NFRKB: variants seen among roughly 807,000 people sequenced by gnomAD.
The protein encoded by NFRKB is nuclear factor related to kappa-B-binding protein.
In NFRKB, 62 loss-of-function variants were observed where a neutral mutation model predicts 135.7. The ratio of observed to expected loss-of-function variants is 0.46; its 90% CI spans 0.37 to 0.56. The LOEUF is 0.56. Among genes scored for constraint, NFRKB ranks in the 20% least tolerant of loss-of-function variants. The pLI is 0.00. For missense variants in NFRKB, 1,545 were observed against 1,662.0 expected (o/e 0.93, Z 1.22); for synonymous variants, 678 against 635.6 (o/e 1.07, Z -1.00).
chr11:129,873,863 G>C lies in NFRKB; in HGVS notation c.2432C>G (p.Pro811Arg), dbSNP rs1464770582. The C allele has an allele frequency of 6.2e-7, 1 of 1,614,040 alleles. No individual in the cohort carries two copies. The highest frequency in any genetic ancestry group is 8.5e-7 in the Non-Finnish European group (1 of 1,180,048). ...CTGCTGGGGAACAGCAGGAAGGCTA[G>C]GCTGGGCCACCACTCGCACCTGAGA... ...GLSQVRVVAQPSLPAVPQQSG... is the reference protein window; with the variant it reads ...GLSQVRVVAQRSLPAVPQQSG... Residue 811 changes from proline to arginine, a missense_variant, in exon 22 of 27, where the codon CCT becomes CGT. By Grantham distance (103) the Pro-to-Arg change is moderately radical (BLOSUM62 -2). Coordinates refer to ENST00000682444, the MANE Select transcript of NFRKB (RefSeq NM_001143835.2).
chr11:129,877,862 AG>A (rs1353570799), intron 15 of NFRKB, among the ~76,000 whole-genome samples: 2 of 152,120 alleles, frequency 1.3e-5, no homozygotes, highest in Admixed American at 1.3e-4. Context: ...GAACCATGCC[AG>A]GGAAGAAAAA....
In NFRKB at chr11:129,869,608, G is replaced by A. The variant is rs1948393625; in HGVS notation, c.3417C>T (p.Ser1139=). The A allele has an allele frequency of 1.2e-6, 2 of 1,614,162 alleles. No homozygotes were observed. Among genetic ancestry groups the A allele is most frequent in the East Asian group, 4.5e-5 (2 of 44,878 alleles). Residue 1139 remains serine (S), a synonymous_variant, in exon 24 of 27, where the codon TCC becomes TCT. Coordinates refer to ENST00000682444, the MANE Select transcript of NFRKB (RefSeq NM_001143835.2). ...CCCCAGAAGCCACAGCTACAGTCTTGGACACAGCAGCATTCATACTGGGTA... is the reference window on the plus strand; with the variant it reads ...CCCCAGAAGCCACAGCTACAGTCTTAGACACAGCAGCATTCATACTGGGTA... ...VSLPSMNAAV[S]KTVAVASGAA...
rs928782152 is a variant in NFRKB at position 129,872,927 on chromosome 11, G to C, written c.2720C>G (p.Ala907Gly). ...PGTSAPSAST[A>G]AVIQNVTGQN... Reference sequence around the variant, plus strand: ...TCCTGTGACATTTTGAATGACGGCAGCCGTGGAGGCACTGGGAGCAGAGGT... The same window carrying C: ...TCCTGTGACATTTTGAATGACGGCACCCGTGGAGGCACTGGGAGCAGAGGT... The change falls in exon 23 of 27, where the codon GCT becomes GGT. Residue 907 changes from alanine (A) to glycine (G), a missense_variant. By Grantham distance (60) the Ala-to-Gly change is moderately conservative. Transcript: ENST00000682444. The C allele has an allele frequency of 3.1e-6, 5 of 1,613,654 alleles. No individual in the cohort carries two copies. The highest frequency in any genetic ancestry group is 4.2e-6 in the Non-Finnish European group (5 of 1,179,710).
chr11:129,892,200 C>T (rs1314448178), intron 3 of NFRKB, among the ~76,000 whole-genome samples: 1 of 152,188 alleles, frequency 6.6e-6, no homozygotes, highest in Non-Finnish European at 1.5e-5. Context: ...TTTTACCCCT[C>T]ACCCGACTCC....
At chr11:129,875,018 AT>A in intron 18 of NFRKB, 102 bp from the exon 19 acceptor site, 2 of 1,446,630 alleles carry the variant, frequency 1.4e-6, no homozygotes, top group Non-Finnish European at 1.9e-6. Flanking sequence ...ATCACAGCTG[AT>A]GCAGATTCTA....
intron 4 of NFRKB, among the ~76,000 whole-genome samples, chr11:129,886,713 T>C (rs1047529814): frequency 1.3e-5 from 2 of 152,126 alleles, no homozygotes; most frequent in East Asian, 3.8e-4. Context: ...TGGGTCAGAG[T>C]GGAATATGCA....
chr11:129,869,748 C>T lies in NFRKB; in HGVS notation c.3277G>A (p.Gly1093Arg). 6.2e-7 allele frequency: 1 copy of T among 1,614,242 alleles called. No individual in the cohort carries two copies. The highest frequency in any genetic ancestry group is 8.5e-7 in the Non-Finnish European group (1 of 1,180,042). Reference sequence around the variant, plus strand: ...GCTTTGGGAGGCATCACTCCCAGTCCCTGCACGATGCGGATCGTGGCAGCT... The same window carrying T: ...GCTTTGGGAGGCATCACTCCCAGTCTCTGCACGATGCGGATCGTGGCAGCT... ...KPAATIRIVQ[G>R]LGVMPPKAGQ... The change falls in exon 24 of 27, where the codon GGA (glycine) becomes AGA (arginine). Residue 1093 changes from glycine to arginine, a missense_variant. Gly to Arg is a moderately radical substitution (Grantham distance 125, BLOSUM62 -2). Transcript: ENST00000682444.
In NFRKB at chr11:129,873,869, G is replaced by A; in HGVS notation, c.2426C>T (p.Ala809Val). 1 of 1,614,112 alleles carries A rather than the reference G, an allele frequency of 6.2e-7. No individual in the cohort carries two copies. The highest frequency in any genetic ancestry group is 1.1e-5 in the South Asian group (1 of 91,084). Reference sequence around the variant, plus strand: ...GGGAACAGCAGGAAGGCTAGGCTGGGCCACCACTCGCACCTGAGACAGTCC... The same window carrying A: ...GGGAACAGCAGGAAGGCTAGGCTGGACCACCACTCGCACCTGAGACAGTCC... The part of the protein sequence containing the change: ...SAGLSQVRVV[A>V]QPSLPAVPQQ... Residue 809 changes from alanine (A) to valine (V), a missense_variant, in exon 22 of 27, where the codon GCC becomes GTC. Ala to Val is a moderately conservative substitution (Grantham distance 64). Around this residue, in one of 3 missense-constraint regions of NFRKB, gnomAD observed 753 missense variants for 804.3 expected, o/e 0.94. Transcript: ENST00000682444.
In NFRKB at chr11:129,870,153, A is replaced by C; in HGVS notation, c.2872T>G (p.Ser958Ala). 1 of 1,614,234 alleles carries C rather than the reference A, an allele frequency of 6.2e-7. No homozygotes were observed. Among genetic ancestry groups the C allele is most frequent in the Non-Finnish European group, 8.5e-7 (1 of 1,180,042 alleles). The change falls in exon 24 of 27, where the codon TCT becomes GCT. Residue 958 changes from serine to alanine, a missense_variant. Physicochemically the swap from Ser to Ala is moderately conservative, Grantham distance 99. This residue lies in a region of NFRKB where 753 missense variants were observed against 804.3 expected (regional missense o/e 0.94). Transcript: ENST00000682444. ...QGKDVLRLPP[S>A]SITTDAKGQT... ...CCCTTGGCATCTGTGGTGATGGAAG[A>C]GGGCGGCAGACGCAATACATCCTTA...
chr11:129,881,185 T>A (rs1949009322), intron 13 of NFRKB, among the ~76,000 whole-genome samples: 1 of 152,212 alleles, frequency 6.6e-6, no homozygotes, highest in African/African-American at 2.4e-5. Context: ...CTTGCAGATT[T>A]AAATTTAGCC....
chr11:129,884,711 C>T, intron 7 of NFRKB, 34 bp downstream of exon 7: 1 of 1,611,924 alleles, frequency 6.2e-7, no homozygotes, highest in Non-Finnish European at 8.5e-7. Context: ...ACCGCAATGT[C>T]CCAGAATGGT....
At position 129,865,084 on chromosome 11, in the gene NFRKB, C is replaced by T. The variant is rs749115110; in HGVS notation, c.3656G>A (p.Arg1219His). Residue 1219 changes from arginine to histidine, a missense_variant, in exon 26 of 27, where the codon CGC becomes CAC. Around this residue, in one of 3 missense-constraint regions of NFRKB, gnomAD observed 753 missense variants for 804.3 expected, o/e 0.94. Transcript: ENST00000682444. ...TGGCATAGTTGTGAGGATGATGTTGCGGCCCAACCCACTGAGGCTGTGGAG... is the reference window on the plus strand; with the variant it reads ...TGGCATAGTTGTGAGGATGATGTTGTGGCCCAACCCACTGAGGCTGTGGAG... ...NLGANLSGLG[R>H]NIILTTMPAG... 8.1e-6 allele frequency: 13 copies of T among 1,610,052 alleles called. No individual in the cohort carries two copies. The highest frequency in any genetic ancestry group is 2.2e-4 in the Middle Eastern group (1 of 4,632).
At chr11:129,871,437 GC>G (rs1207190046) in intron 23 of NFRKB, among the ~76,000 whole-genome samples, 1 of 152,014 alleles carries the variant, frequency 6.6e-6, no homozygotes, top group Non-Finnish European at 1.5e-5. Context: ...ATCTCACGCT[GC>G]CACTACACCT....
chr11:129,892,700 C>A lies in NFRKB; in HGVS notation c.135+15G>T. On this transcript the variant is annotated intron_variant, in intron 3 of 26. Coordinates refer to ENST00000682444, the MANE Select transcript of NFRKB (RefSeq NM_001143835.2). Reference sequence around the variant, plus strand: ...CTGACAGAGAGGAAAAGGTCACAACCGTGTTACTACTCACATCCTCCAGAA... The same window carrying A: ...CTGACAGAGAGGAAAAGGTCACAACAGTGTTACTACTCACATCCTCCAGAA... 1 of 1,612,576 alleles carries A rather than the reference C, an allele frequency of 6.2e-7. No individual in the cohort carries two copies. Among genetic ancestry groups the A allele is most frequent in the South Asian group, 1.1e-5 (1 of 90,988 alleles).
At chr11:129,876,957 C>T in intron 16 of NFRKB, 62 bp from the exon 17 acceptor site, 1 of 1,469,830 alleles carries the variant, frequency 6.8e-7, no homozygotes, top group Non-Finnish European at 9.4e-7. Flanking sequence ...TCTCGGGCTT[C>T]CTTACAATAT....
intron 2 of NFRKB, chr11:129,893,234 G>T (rs1482851739): frequency 3.5e-6 from 2 of 566,396 alleles, no homozygotes; most frequent in East Asian, 6.5e-5. Flanking sequence ...TGTAATTTCT[G>T]TAACAACTGT....
intron 9 of NFRKB, 92 bp from the exon 10 acceptor site, chr11:129,882,723 C>A (rs1213260162): frequency 1.6e-6 from 2 of 1,289,236 alleles, no homozygotes; most frequent in Non-Finnish European, 2.1e-6. Context: ...CCAAGGCCCA[C>A]CAAAGACAGA....
At position 129,866,974 on chromosome 11, in the gene NFRKB, G is replaced by A. The variant is rs145149166; in HGVS notation, c.3532-991C>T. Among the ~76,000 whole-genome samples the A allele has an allele frequency of 9.4e-3, 1,425 of 152,158 alleles. 24 individuals carry two copies. The highest frequency in any genetic ancestry group is 0.032 in the African/African-American group (1,343 of 41,488). Reference sequence around the variant, plus strand: ...AAAAAAGCATGCAAAGAGGGCAACAGGCAACAGAATACCTTGAGATGGTAC... The same window carrying A: ...AAAAAAGCATGCAAAGAGGGCAACAAGCAACAGAATACCTTGAGATGGTAC... On this transcript the variant is annotated intron_variant, in intron 24 of 26. Coordinates refer to ENST00000682444, the MANE Select transcript of NFRKB (RefSeq NM_001143835.2).
In NFRKB at chr11:129,873,074, A is replaced by G. The variant is rs1269485057; in HGVS notation, c.2573T>C (p.Val858Ala). 6.2e-7 allele frequency: 1 copy of G among 1,610,776 alleles called. No homozygotes were observed. Among genetic ancestry groups the G allele is most frequent in the African/African-American group, 1.3e-5 (1 of 74,938 alleles). The change falls in exon 23 of 27, where the codon GTC (valine) becomes GCC (alanine). Residue 858 changes from valine (V) to alanine (A), a missense_variant. Transcript: ENST00000682444. Reference sequence around the variant, plus strand: ...AGTGGCTGCCGTAGTCTGCGCTTTGACGGGCACAGTGGCCATTACTGTCTA... The same window carrying G: ...AGTGGCTGCCGTAGTCTGCGCTTTGGCGGGCACAGTGGCCATTACTGTCTA... ...VPQTVMATVP[V>A]KAQTTAATVQ...
Sources: gnomAD v4.1 joint callset for allele counts (sites outside exome capture counted in the v4.1 genomes callset) on GRCh38, gnomAD v4.1.1 for gene constraint, gnomAD v4.1.1 regional missense constraint, MANE v1.5 for transcripts, NCBI Gene and HGNC (gene_info 2026-07-23, HGNC 2026-07-21) for gene names.